The following SLC35F1 variants were observed in gnomAD, a reference collection of about 807,000 sequenced individuals.
SLC35F1 encodes the protein chromosome 6 open reading frame 169.
A neutral mutation model predicts 48.7 loss-of-function variants in SLC35F1; 14 were observed. That is an observed-to-expected ratio of 0.29 (90% CI 0.19 to 0.45). SLC35F1 has a LOEUF of 0.45. SLC35F1 is among the 20% of genes least tolerant of loss of function. The pLI is 1.00. For missense variants in SLC35F1, 404 were observed against 500.0 expected (o/e 0.81, Z 1.83); for synonymous variants, 190 against 202.2 (o/e 0.94, Z 0.51).
intron 1 of SLC35F1, among the ~76,000 whole-genome samples, chr6:118,134,891 C>T (rs1004264296): frequency 2.6e-5 from 4 of 152,226 alleles, no homozygotes; most frequent in Non-Finnish European, 4.4e-5. Flanking sequence ...TCTACTCCCC[C>T]TCCTAAGTTT....
At chr6:118,287,654 C>T (rs1161640877) in intron 7 of SLC35F1, among the ~76,000 whole-genome samples, 1 of 152,166 alleles carries the variant, frequency 6.6e-6, no homozygotes, top group East Asian at 1.9e-4. Flanking sequence ...GTCTGATGCC[C>T]TCTGAGTTTG....
chr6:118,152,878 A>G (rs372838529), intron 1 of SLC35F1, among the ~76,000 whole-genome samples: 98 of 152,276 alleles, frequency 6.4e-4, no homozygotes, highest in African/African-American at 2.3e-3. Context: ...GTGGGGAACT[A>G]TTGTAAGATT....
In SLC35F1 at chr6:118,017,787, T is replaced by G. The variant is rs1041169723; in HGVS notation, c.173+109888T>G. ...AGACTGGACTGTAGTGAGCCTTTTT[T>G]TGTAGAATAGTTAATGGCAAGTTGA... On this transcript the variant is annotated intron_variant, in intron 1 of 7. Transcript: ENST00000360388. 1.2e-4 allele frequency among the ~76,000 whole-genome samples: 18 copies of G among 152,330 alleles called. No individual in the cohort carries two copies. In the South Asian group the frequency reaches 1.9e-3, roughly 16 times the overall value.
intron 3 of SLC35F1, among the ~76,000 whole-genome samples, chr6:118,243,662 A>G (rs1775468989): frequency 6.6e-6 from 1 of 152,238 alleles, no homozygotes; most frequent in Non-Finnish European, 1.5e-5. Flanking sequence ...GAAGTATGAC[A>G]GATGACAGAA....
intron 1 of SLC35F1, among the ~76,000 whole-genome samples, chr6:118,120,247 G>A (rs1316304873): frequency 2.0e-5 from 3 of 152,130 alleles, no homozygotes; most frequent in Non-Finnish European, 2.9e-5. Context: ...GGCTAATGCA[G>A]TCTGAGCTAT....
chr6:118,094,734 G>A (rs1041534488), intron 1 of SLC35F1, among the ~76,000 whole-genome samples: 2 of 152,058 alleles, frequency 1.3e-5, no homozygotes, highest in Non-Finnish European at 2.9e-5. Context: ...TTGGGAGGGC[G>A]AGGTGAGCAG....
In SLC35F1 at chr6:118,034,489, T is replaced by TG. The variant is rs573173295; in HGVS notation, c.174-119954dup. 8.5e-5 allele frequency among the ~76,000 whole-genome samples: 13 copies of TG among 152,186 alleles called. No individual in the cohort carries two copies. The East Asian group carries it at 2.3e-3, about 27-fold the overall frequency. ...AGAAGAATCGCTTGAACCTGGGAGA[T>TG]GGAGGTTGCAGTGAGGAGAGATTGC... On this transcript the variant is annotated intron_variant, in intron 1 of 7. Coordinates refer to ENST00000360388, the MANE Select transcript of SLC35F1 (RefSeq NM_001029858.4).
chr6:118,258,457 T>A (rs978804954), intron 3 of SLC35F1, among the ~76,000 whole-genome samples: 2 of 152,126 alleles, frequency 1.3e-5, no homozygotes. Flanking sequence ...AAAGCCTTCA[T>A]TTAACATTTG....
intron 1 of SLC35F1, among the ~76,000 whole-genome samples, chr6:118,131,844 A>G (rs1279108008): frequency 6.6e-6 from 1 of 151,970 alleles, no homozygotes; most frequent in African/African-American, 2.4e-5. Context: ...TATAAGTAAT[A>G]TATATCACCC....
At chr6:118,181,380 G>A (rs944930471) in intron 2 of SLC35F1, among the ~76,000 whole-genome samples, 4 of 152,000 alleles carry the variant, frequency 2.6e-5, no homozygotes, top group Non-Finnish European at 5.9e-5. Flanking sequence ...ATTTGGAGGA[G>A]GGTAAAATTA....
At chr6:118,029,644 G>C (rs1772010788) in intron 1 of SLC35F1, among the ~76,000 whole-genome samples, 1 of 152,154 alleles carries the variant, frequency 6.6e-6, no homozygotes, top group Admixed American at 6.5e-5. Flanking sequence ...TACTGTACAA[G>C]AGAAGGGAAA....
At chr6:117,995,513 C>T (rs185737212) in intron 1 of SLC35F1, among the ~76,000 whole-genome samples, 230 of 152,202 alleles carry the variant, frequency 1.5e-3, no homozygotes, top group African/African-American at 5.2e-3. Flanking sequence ...GAGGCCGAGG[C>T]GGGCGGATCA....
intron 1 of SLC35F1, among the ~76,000 whole-genome samples, chr6:118,021,486 G>C (rs1777393028): frequency 6.6e-6 from 1 of 152,104 alleles, no homozygotes; most frequent in South Asian, 2.1e-4. Flanking sequence ...GCTTGTTCTT[G>C]GCAGACCTGG....
intron 3 of SLC35F1, among the ~76,000 whole-genome samples, chr6:118,247,746 C>T (rs1300147792): frequency 6.8e-6 from 1 of 147,718 alleles, no homozygotes; most frequent in African/African-American, 2.7e-5. Flanking sequence ...GACAAATTGC[C>T]TGGCATATTT....
chr6:118,307,516 G>A (rs116842556), intron 7 of SLC35F1, among the ~76,000 whole-genome samples: 4,195 of 152,292 alleles, frequency 0.028, 97 homozygotes, highest in Middle Eastern at 0.051. Context: ...AGGAGACAGA[G>A]CAATAATTGA....
chr6:118,179,195 A>T (rs970468301), intron 2 of SLC35F1, among the ~76,000 whole-genome samples: 4 of 152,078 alleles, frequency 2.6e-5, no homozygotes, highest in Non-Finnish European at 4.4e-5. Context: ...TATATATATA[A>T]AATGAGAAAT....
At chr6:118,186,488 C>G (rs1361486577) in intron 2 of SLC35F1, among the ~76,000 whole-genome samples, 1 of 152,016 alleles carries the variant, frequency 6.6e-6, no homozygotes, top group East Asian at 1.9e-4. Flanking sequence ...AGCATTTACT[C>G]CTTTTGTACT....
chr6:117,931,179 T>A (rs1236470588), intron 1 of SLC35F1, among the ~76,000 whole-genome samples: 1 of 152,218 alleles, frequency 6.6e-6, no homozygotes, highest in East Asian at 1.9e-4. Flanking sequence ...GTTATGCTTA[T>A]AATTGTGCCT....
At chr6:118,141,112 C>T (rs910455039) in intron 1 of SLC35F1, among the ~76,000 whole-genome samples, 7 of 152,168 alleles carry the variant, frequency 4.6e-5, no homozygotes, top group African/African-American at 7.2e-5. Context: ...TAGGCCCTCA[C>T]ATTCACTCAC....
Sources: gnomAD v4.1 joint callset for allele counts (sites outside exome capture counted in the v4.1 genomes callset) on GRCh38, gnomAD v4.1.1 for gene constraint, MANE v1.5 for transcripts, NCBI Gene and HGNC (gene_info 2026-07-23, HGNC 2026-07-21) for gene names.